TUBA1A: variants seen among roughly 807,000 people sequenced by gnomAD.
TUBA1A encodes tubulin alpha 1a.
Under a neutral mutation model 34.6 loss-of-function variants are expected in TUBA1A, and 7 were observed. That is an observed-to-expected ratio of 0.20 (90% CI 0.11 to 0.38). The LOEUF is 0.38. Among genes scored for constraint, TUBA1A ranks in the 10% least tolerant of loss-of-function variants. TUBA1A has a pLI of 1.00. For missense variants in TUBA1A, 19 were observed against 581.3 expected (o/e 0.03, Z 9.95); for synonymous variants, 193 against 210.2 (o/e 0.92, Z 0.71).
rs903289361 is a variant in TUBA1A, at chr12:49,188,072, CCACAGACACA to C, written c.3+895_3+904del. The C allele has an allele frequency of 3.5e-6, 3 of 862,708 alleles. No individual in the cohort carries two copies. The African/African-American group carries it at 1.1e-4, about 32-fold the overall frequency. 53.4% of individuals were successfully genotyped at this position (862,708 alleles called of 1,614,324 possible). A position where few individuals can be genotyped will look rare whatever the true frequency, so the allele number is the denominator to read the frequency against. ...CTTCAGTCGGTCAGGGCAGGGCGTC[CCACAGACACA>C]CACACACACACACACACACACACAC... On this transcript the variant is annotated intron_variant, in intron 1 of 3. Transcript: ENST00000301071. This position sits in a 1 kb window ranked among gnomAD's most constrained non-coding sequence, Gnocchi z 4.9.
rs1195533277 is a variant in TUBA1A, at chr12:49,188,428, G to A, written c.3+549C>T. Reference sequence around the variant, plus strand: ...CGGCAGAAACTCACCATGTTTTCCCGGGAATGTGTGGGTATCTTTCCAAAA... The same window carrying A: ...CGGCAGAAACTCACCATGTTTTCCCAGGAATGTGTGGGTATCTTTCCAAAA... On this transcript the variant is annotated intron_variant, in intron 1 of 3. Transcript: ENST00000301071. The surrounding 1 kb of genome is among the most constrained non-coding windows in gnomAD (Gnocchi z 4.9). 5 of 1,535,700 alleles carry A rather than the reference G, an allele frequency of 3.3e-6. No individual in the cohort carries two copies. The highest frequency in any genetic ancestry group is 3.5e-6 in the Non-Finnish European group (4 of 1,146,696).
At position 49,186,488 on chromosome 12, in the gene TUBA1A, G is replaced by A. The variant is rs143734138; in HGVS notation, c.227-30C>T. The A allele has an allele frequency of 4.3e-6, 7 of 1,612,792 alleles. No homozygotes were observed. Among genetic ancestry groups the A allele is most frequent in the African/African-American group, 4.0e-5 (3 of 74,926 alleles). ...AGAACATGATGGGGGAGGAGCAGGGGGGAGGAGGAGGAGGGACGAGGAGCG... is the reference window on the plus strand; with the variant it reads ...AGAACATGATGGGGGAGGAGCAGGGAGGAGGAGGAGGAGGGACGAGGAGCG... On this transcript the variant is annotated intron_variant, in intron 2 of 3. Coordinates refer to ENST00000301071, the MANE Select transcript of TUBA1A (RefSeq NM_006009.4). The surrounding 1 kb of genome is among the most constrained non-coding windows in gnomAD (Gnocchi z 6.6).
In TUBA1A at chr12:49,186,991, T is replaced by A. The variant is rs1942189915; in HGVS notation, c.4-158A>T. 6.7e-7 allele frequency: 1 copy of A among 1,488,994 alleles called. No homozygotes were observed. The highest frequency in any genetic ancestry group is 8.9e-7 in the Non-Finnish European group (1 of 1,126,126). The allele number at this position is 1,488,994 out of a possible 1,614,324, so 92.2% of individuals were successfully genotyped here. ...GATACAAAGATTAAGGAAAATCACC[T>A]GCTACAAATGCTGCATATGGGTGTG... is the stretch of plus-strand genomic sequence containing the variant. On this transcript the variant is annotated intron_variant, in intron 1 of 3. Coordinates refer to ENST00000301071, the MANE Select transcript of TUBA1A (RefSeq NM_006009.4). This position sits in a 1 kb window ranked among gnomAD's most constrained non-coding sequence, Gnocchi z 6.6.
At chr12:49,187,545 A>C in intron 1 of TUBA1A, 1 of 985,494 alleles carries the variant, frequency 1.0e-6, no homozygotes, top group Non-Finnish European at 1.2e-6. Flanking sequence ...CTGGAACAAA[A>C]GACAACGGGA....
Position 49,184,954 on chromosome 12 carries a change from T to C in TUBA1A, c.*56A>G. On this transcript the variant is annotated 3_prime_UTR_variant, in exon 4 of 4. Coordinates refer to ENST00000301071, the MANE Select transcript of TUBA1A (RefSeq NM_006009.4). Reference sequence around the variant, plus strand: ...AACTGATCAGACCACAACTTTTCAATGTTTAAAACAGAATAAGCTTCCCTG... The same window carrying C: ...AACTGATCAGACCACAACTTTTCAACGTTTAAAACAGAATAAGCTTCCCTG... 1 of 1,613,818 alleles carries C rather than the reference T, an allele frequency of 6.2e-7. No homozygotes were observed. Among genetic ancestry groups the C allele is most frequent in the Non-Finnish European group, 8.5e-7 (1 of 1,179,824 alleles).
In TUBA1A at chr12:49,188,133, G is replaced by A; in HGVS notation, c.3+844C>T. 1.0e-6 allele frequency: 1 copy of A among 984,058 alleles called. No homozygotes were observed. Among genetic ancestry groups the A allele is most frequent in the Non-Finnish European group, 1.2e-6 (1 of 829,770 alleles). 61.0% of individuals were successfully genotyped at this position (984,058 alleles called of 1,614,324 possible). ...ACACACTTCAGTCGGTCAGGGCAGG[G>A]CGTCCCCAGACCAGACATTAAAGAG... On this transcript the variant is annotated intron_variant, in intron 1 of 3. Coordinates refer to ENST00000301071, the MANE Select transcript of TUBA1A (RefSeq NM_006009.4). The surrounding 1 kb of genome is among the most constrained non-coding windows in gnomAD (Gnocchi z 4.9).
chr12:49,188,601 G>C lies in TUBA1A; in HGVS notation c.3+376C>G, dbSNP rs1942213108. 1 of 1,447,368 alleles carries C rather than the reference G, an allele frequency of 6.9e-7. No homozygotes were observed. The highest frequency in any genetic ancestry group is 9.1e-7 in the Non-Finnish European group (1 of 1,103,512). The allele number at this position is 1,447,368 out of a possible 1,614,324, so 89.7% of individuals were successfully genotyped here. The stretch of plus-strand genomic sequence containing the variant: ...GGTCCCCAGAGAACAACGCGAGACA[G>C]AAAGTGGCCCCTCAGCATCAGCGAA... On this transcript the variant is annotated intron_variant, in intron 1 of 3. Coordinates refer to ENST00000301071, the MANE Select transcript of TUBA1A (RefSeq NM_006009.4). This position sits in a 1 kb window ranked among gnomAD's most constrained non-coding sequence, Gnocchi z 4.9.
rs865953916 is a variant in TUBA1A at position 49,185,109 on chromosome 12, T to C, written c.1257A>G (p.Ser419=). ...GGGCAGCCATGTCCTCACGGGCCTC[T>C]GAAAACTCACCTTCCTCCATCCCCT... ...VGEGMEEGEF[S]EAREDMAALE... The change falls in exon 4 of 4, where the codon TCA becomes TCG. Residue 419 remains serine, a synonymous_variant. Transcript: ENST00000301071. The C allele has an allele frequency of 8.7e-6, 14 of 1,614,218 alleles. No individual in the cohort carries two copies. The Middle Eastern group carries it at 1.7e-3, about 190-fold the overall frequency.
chr12:49,186,040 A>G lies in TUBA1A; in HGVS notation c.376-50T>C, dbSNP rs753109551. On this transcript the variant is annotated intron_variant, in intron 3 of 3. Transcript: ENST00000301071. The surrounding 1 kb of genome is among the most constrained non-coding windows in gnomAD (Gnocchi z 6.6). ...GAAAGGTTAAGTTTTTATTCTTTGT[A>G]GTACAATCATAGTAAATATATTTTC... 6.2e-7 allele frequency: 1 copy of G among 1,610,448 alleles called. No individual in the cohort carries two copies.
Position 49,185,913 on chromosome 12 carries a change from C to G in TUBA1A, c.453G>C (p.Ser151=), listed in dbSNP as rs697624. Residue 151 remains serine, a synonymous_variant, in exon 4 of 4, where the codon TCG becomes TCC. Coordinates refer to ENST00000301071, the MANE Select transcript of TUBA1A (RefSeq NM_006009.4). The part of the protein sequence containing the change: ...FGGGTGSGFT[S]LLMERLSVDY... ...CAACTGAGAGACGTTCCATGAGCAGCGAGGTGAACCCAGAACCAGTTCCCC... is the reference window on the plus strand; with the variant it reads ...CAACTGAGAGACGTTCCATGAGCAGGGAGGTGAACCCAGAACCAGTTCCCC... 619,067 of 1,612,662 alleles carry G rather than the reference C, an allele frequency of 0.38. 126,002 individuals are homozygous for G. Among genetic ancestry groups the G allele is most frequent in the East Asian group, 0.72 (32,054 of 44,790 alleles).
At chr12:49,187,021 G>C in intron 1 of TUBA1A, 188 bp from the exon 2 acceptor site, 1 of 1,462,166 alleles carries the variant, frequency 6.8e-7, no homozygotes, top group South Asian at 1.5e-5. Context: ...GGTGTGGTCT[G>C]AATAATGATG....
Position 49,186,666 on chromosome 12 carries a change from C to G in TUBA1A, c.171G>C (p.Gly57=). ...DSFNTFFSET[G]AGKHVPRAVF... is the part of the protein sequence containing the mutation. ...CTGCCCGGGGCACATGCTTGCCAGC[C>G]CCCGTCTCACTGAAGAAGGTGTTGA... Residue 57 remains glycine (G), a synonymous_variant, in exon 2 of 4, where the codon GGG becomes GGC. Coordinates refer to ENST00000301071, the MANE Select transcript of TUBA1A (RefSeq NM_006009.4). The surrounding 1 kb of genome is among the most constrained non-coding windows in gnomAD (Gnocchi z 6.6). 1 of 1,612,444 alleles carries G rather than the reference C, an allele frequency of 6.2e-7. No homozygotes were observed. Among genetic ancestry groups the G allele is most frequent in the Non-Finnish European group, 8.5e-7 (1 of 1,179,894 alleles).
Position 49,188,358 on chromosome 12 carries a change from A to G in TUBA1A, c.3+619T>C, listed in dbSNP as rs1263739563. ...CCAACGCCATAGAAGCCAGAAACAA[A>G]CAACCCCGCCCCTGCGCCGCCCTGA... On this transcript the variant is annotated intron_variant, in intron 1 of 3. Coordinates refer to ENST00000301071, the MANE Select transcript of TUBA1A (RefSeq NM_006009.4). This position sits in a 1 kb window ranked among gnomAD's most constrained non-coding sequence, Gnocchi z 4.9. 6.5e-7 allele frequency: 1 copy of G among 1,533,802 alleles called. No homozygotes were observed. Among genetic ancestry groups the G allele is most frequent in the Non-Finnish European group, 8.7e-7 (1 of 1,145,458 alleles).
chr12:49,188,782 T>C lies in TUBA1A; in HGVS notation c.3+195A>G, dbSNP rs1942215799. The C allele has an allele frequency of 1.3e-6, 2 of 1,580,784 alleles. No individual in the cohort carries two copies. Among genetic ancestry groups the C allele is most frequent in the Non-Finnish European group, 1.7e-6 (2 of 1,171,306 alleles). ...GCGCTCTGCTGCGCCCTGGGCGCAG[T>C]ACTGGCCCGGTTCCTGCACCCGCAC... On this transcript the variant is annotated intron_variant, in intron 1 of 3. Transcript: ENST00000301071. This position sits in a 1 kb window ranked among gnomAD's most constrained non-coding sequence, Gnocchi z 4.9.
Position 49,188,437 on chromosome 12 carries a change from TG to T in TUBA1A, c.3+539del, listed in dbSNP as rs1257135903. ...CTCACCATGTTTTCCCGGGAATGTG[TG>T]GGTATCTTTCCAAAACGCCAAAGAC... On this transcript the variant is annotated intron_variant, in intron 1 of 3. Transcript: ENST00000301071. The surrounding 1 kb of genome is among the most constrained non-coding windows in gnomAD (Gnocchi z 4.9). 5.9e-6 allele frequency: 9 copies of T among 1,535,780 alleles called. No homozygotes were observed. In the South Asian group the frequency reaches 9.5e-5, roughly 16 times the overall value.
At chr12:49,187,212 G>A in intron 1 of TUBA1A, 1 of 1,136,904 alleles carries the variant, frequency 8.8e-7, no homozygotes, top group South Asian at 2.0e-5. Context: ...TTTAAATAAA[G>A]ATGAAAGTTT....
In TUBA1A at chr12:49,185,574, G is replaced by A; in HGVS notation, c.792C>T (p.Arg264=). 6.2e-7 allele frequency: 1 copy of A among 1,614,120 alleles called. No homozygotes were observed. Among genetic ancestry groups the A allele is most frequent in the South Asian group, 1.1e-5 (1 of 91,082 alleles). Residue 264 remains arginine (R), a synonymous_variant, in exon 4 of 4, where the codon CGC becomes CGT. Transcript: ENST00000301071. Reference sequence around the variant, plus strand: ...CATATGTGGCCAGAGGGAAGTGGATGCGGGGATAGGGCACCAGGTTGGTCT... The same window carrying A: ...CATATGTGGCCAGAGGGAAGTGGATACGGGGATAGGGCACCAGGTTGGTCT... ...EFQTNLVPYP[R]IHFPLATYAP...
At chr12:49,187,917 G>A in intron 1 of TUBA1A, 1 of 959,506 alleles carries the variant, frequency 1.0e-6, no homozygotes, top group Non-Finnish European at 1.2e-6. Context: ...CGGGGCGGGG[G>A]GGCGGCGGGG....
In TUBA1A at chr12:49,185,417, G is replaced by A. The variant is rs2121242824; in HGVS notation, c.949C>T (p.Leu317=). 1 of 1,614,050 alleles carries A rather than the reference G, an allele frequency of 6.2e-7. No individual in the cohort carries two copies. Among genetic ancestry groups the A allele is most frequent in the Non-Finnish European group, 8.5e-7 (1 of 1,179,978 alleles). ...PRHGKYMACC[L]LYRGDVVPKD... is the part of the protein sequence containing the mutation. The stretch of plus-strand genomic sequence containing the variant: ...GGAACCACGTCACCACGGTACAACA[G>A]GCAGCAAGCCATGTATTTACCATGG... The change falls in exon 4 of 4, where the codon CTG becomes TTG. Residue 317 remains leucine (L), a synonymous_variant. Transcript: ENST00000301071.
Sources: allele counts gnomAD v4.1 joint callset, GRCh38; gene constraint gnomAD v4.1.1; non-coding constraint Gnocchi (gnomAD v3.1); transcripts MANE v1.5; gene names NCBI Gene and HGNC (gene_info 2026-07-23, HGNC 2026-07-21).